Variants in KCTD19 observed in about 807,000 individuals in gnomAD.
KCTD19 encodes BTB/POZ domain-containing protein KCTD19.
KCTD19 carries 67 observed loss-of-function variants against 103.5 expected under a neutral mutation model. The observed-to-expected ratio is 0.65, with a 90% confidence interval of 0.53 to 0.79. The LOEUF (loss-of-function observed/expected upper bound fraction) is 0.79, where lower values mean the gene tolerates loss of function less well. Ranked by LOEUF, KCTD19 falls within the 30% of genes least tolerant of loss-of-function variation. The probability of loss-of-function intolerance (pLI) is 0.00; values close to 1 mark genes in which losing one functional copy is unlikely to be tolerated. For missense variants in KCTD19, 980 were observed against 1,136.1 expected, an observed-to-expected ratio of 0.86 and a Z score of 1.98; for synonymous variants, 439 against 452.2, an observed-to-expected ratio of 0.97 and a Z score of 0.37.
chr16:67,294,977 A>G lies in KCTD19; in HGVS notation c.1471T>C (p.Tyr491His), dbSNP rs779675369. The G allele has an allele frequency of 1.9e-6, 3 of 1,611,584 alleles. No individual in the cohort carries two copies. The Admixed American group carries it at 5.0e-5, about 27-fold the overall frequency. ...LSEALAQCEA[Y>H]KSWTQEKESE... ...GTCGTGATAAAGTTTTCTTACTTGT[A>G]TGCTTCACATTGTGCAAGGGCTTCT... The change falls in exon 10 of 16, where the codon TAC becomes CAC. Residue 491 changes from tyrosine to histidine, a missense_variant. Transcript: ENST00000304372.
At chr16:67,319,062 C>A (rs11862222) in intron 2 of KCTD19, among the ~76,000 whole-genome samples, 33,791 of 151,638 alleles carry the variant, frequency 0.22, 7,633 homozygotes, top group African/African-American at 0.58. Context: ...GTCTCTACTA[C>A]AAATACAAAA....
At chr16:67,310,043 C>T (rs2036934004) in intron 2 of KCTD19, among the ~76,000 whole-genome samples, 1 of 152,218 alleles carries the variant, frequency 6.6e-6, no homozygotes, top group Admixed American at 6.5e-5. Flanking sequence ...CGGCCTTGAC[C>T]TAGGCTCAGG....
chr16:67,319,603 C>A (rs907250693), intron 2 of KCTD19, among the ~76,000 whole-genome samples: 12 of 151,902 alleles, frequency 7.9e-5, no homozygotes, highest in African/African-American at 2.9e-4. Flanking sequence ...AAAATGATTT[C>A]TGTGGCTTGG....
intron 2 of KCTD19, among the ~76,000 whole-genome samples, chr16:67,310,060 A>G (rs2036934182): frequency 6.6e-6 from 1 of 152,238 alleles, no homozygotes; most frequent in Non-Finnish European, 1.5e-5. Context: ...CAGGAGCCTC[A>G]ACAAGGCTGT....
At chr16:67,315,995 G>A (rs1208944915) in intron 2 of KCTD19, among the ~76,000 whole-genome samples, 5 of 152,106 alleles carry the variant, frequency 3.3e-5, no homozygotes, top group Non-Finnish European at 7.3e-5. Context: ...TCAGATTTCT[G>A]CTCAAATGTT....
intron 1 of KCTD19, chr16:67,322,039 A>G (rs980209872): frequency 1.3e-5 from 2 of 152,224 alleles, no homozygotes; most frequent in Admixed American, 6.5e-5. Context: ...TGCTACCAGC[A>G]TAAGGATAAA....
intron 1 of KCTD19, among the ~76,000 whole-genome samples, chr16:67,322,456 G>A (rs2037085687): frequency 6.6e-6 from 1 of 151,954 alleles, no homozygotes; most frequent in Admixed American, 6.6e-5. Flanking sequence ...CCGCCACCAC[G>A]CCCGGCTAAT....
At chr16:67,295,990 A>T in intron 8 of KCTD19, 169 bp downstream of exon 8, 1 of 590,724 alleles carries the variant, frequency 1.7e-6, no homozygotes, top group Non-Finnish European at 3.1e-6. Flanking sequence ...TGATCTGCCC[A>T]CCTCAGCCTC....
rs981502782 is a variant in KCTD19 at position 67,320,237 on chromosome 16, T to C, written c.300+352A>G. ...ACCAATCTGGTCAACATGGAAAGGA[T>C]TGGCCGGGCATGGTGGCATGCACCT... On this transcript the variant is annotated intron_variant, in intron 2 of 15. Transcript: ENST00000304372. This position sits in a 1 kb window ranked among gnomAD's most constrained non-coding sequence, Gnocchi z 4.0. 6.6e-6 allele frequency among the ~76,000 whole-genome samples: 1 copy of C among 151,998 alleles called. No homozygotes were observed. Among genetic ancestry groups the C allele is most frequent in the Non-Finnish European group, 1.5e-5 (1 of 67,982 alleles).
In KCTD19 at chr16:67,289,544, A is replaced by G; in HGVS notation, c.*25T>C. 1.4e-6 allele frequency: 2 copies of G among 1,436,984 alleles called. No homozygotes were observed. The highest frequency in any genetic ancestry group is 2.0e-6 in the Non-Finnish European group (2 of 1,018,780). 89.0% of individuals were successfully genotyped at this position (1,436,984 alleles called of 1,614,324 possible). A position where few individuals can be genotyped will look rare whatever the true frequency, so the allele number is the denominator to read the frequency against. On this transcript the variant is annotated 3_prime_UTR_variant, in exon 16 of 16. Coordinates refer to ENST00000304372, the MANE Select transcript of KCTD19 (RefSeq NM_001100915.3). ...TAAAATGAGACTTGGCGGGTGGGGC[A>G]TGAGGGGCTGCATCTCTGGGCACCC... is the stretch of plus-strand genomic sequence containing the variant.
intron 7 of KCTD19, among the ~76,000 whole-genome samples, 194 bp from the exon 8 acceptor site, chr16:67,296,453 C>T (rs754804026): frequency 4.6e-5 from 7 of 152,074 alleles, no homozygotes; most frequent in South Asian, 2.1e-4. Flanking sequence ...GGTGGTGAGG[C>T]GGGAAAGGGC....
chr16:67,299,770 C>G (rs1193265236), intron 5 of KCTD19, 197 bp from the exon 6 acceptor site: 2 of 567,108 alleles, frequency 3.5e-6, no homozygotes, highest in Non-Finnish European at 3.1e-6. Context: ...GAAGTCATAA[C>G]TATTTGTTGG....
chr16:67,313,390 G>A (rs1437814263), intron 2 of KCTD19, among the ~76,000 whole-genome samples: 1 of 152,070 alleles, frequency 6.6e-6, no homozygotes, highest in Non-Finnish European at 1.5e-5. Context: ...GATTACAGGC[G>A]TGAGCCACCA....
chr16:67,289,790 T>C (rs199555907), intron 15 of KCTD19, 108 bp from the exon 16 acceptor site: 3 of 723,952 alleles, frequency 4.1e-6, no homozygotes, highest in African/African-American at 3.5e-5. Context: ...AGCCCGGCTG[T>C]TGGGGACTTT....
intron 1 of KCTD19, among the ~76,000 whole-genome samples, chr16:67,322,792 A>G (rs968756828): frequency 6.6e-6 from 1 of 152,236 alleles, no homozygotes; most frequent in Non-Finnish European, 1.5e-5. Flanking sequence ...AATGGAACAA[A>G]ATATTTGCAA....
chr16:67,289,652 G>A lies in KCTD19; in HGVS notation c.2698C>T (p.Arg900Ter), dbSNP rs201253917. The A allele has an allele frequency of 6.2e-6, 10 of 1,613,878 alleles. No individual in the cohort carries two copies. The highest frequency in any genetic ancestry group is 1.7e-4 in the Middle Eastern group (1 of 6,058). The change falls in exon 16 of 16, where the codon CGA becomes TGA. Residue 900 changes from arginine to a stop codon, truncating the protein, a stop_gained. Transcript: ENST00000304372. LOFTEE classifies it high-confidence loss of function. The stretch of plus-strand genomic sequence containing the variant: ...CTCTGGATGAGCAGGTCCATGCATC[G>A]GCCATATTTCCTGGCGAAGGGCAGT... ...LTLPFARKYG[R>*]CMDLLIQRGL...
chr16:67,291,688 T>G lies in KCTD19; in HGVS notation c.2368A>C (p.Asn790His). 6.2e-7 allele frequency: 1 copy of G among 1,614,052 alleles called. No individual in the cohort carries two copies. The highest frequency in any genetic ancestry group is 8.5e-7 in the Non-Finnish European group (1 of 1,179,984). The change falls in exon 13 of 16, where the codon AAC becomes CAC. Residue 790 changes from asparagine to histidine, a missense_variant. Asn to His is a moderately conservative substitution (Grantham distance 68). Coordinates refer to ENST00000304372, the MANE Select transcript of KCTD19 (RefSeq NM_001100915.3). ...DSIIYTTEMD[N>H]LRHTTPTASP... ...GCTGTGGGTGTTGTGTGCCTGAGGTTGTCCATCTCCGTGGTATAGATGATG... is the reference window on the plus strand; with the variant it reads ...GCTGTGGGTGTTGTGTGCCTGAGGTGGTCCATCTCCGTGGTATAGATGATG...
chr16:67,293,413 G>T lies in KCTD19; in HGVS notation c.2218+131C>A. ...CCAGTCATTTCTGTGTCTGCTGCCT[G>T]GCACAGAGATGGCATTGGTGAGCGG... On this transcript the variant is annotated intron_variant, in intron 12 of 15. Coordinates refer to ENST00000304372, the MANE Select transcript of KCTD19 (RefSeq NM_001100915.3). The surrounding 1 kb of genome is among the most constrained non-coding windows in gnomAD (Gnocchi z 4.0). 2 of 996,342 alleles carry T rather than the reference G, an allele frequency of 2.0e-6. No individual in the cohort carries two copies. Among genetic ancestry groups the T allele is most frequent in the African/African-American group, 1.6e-5 (1 of 61,850 alleles). 61.7% of individuals were successfully genotyped at this position (996,342 alleles called of 1,614,324 possible). A position where few individuals can be genotyped will look rare whatever the true frequency, so the allele number is the denominator to read the frequency against.
intron 2 of KCTD19, among the ~76,000 whole-genome samples, chr16:67,306,334 C>G (rs762575658): frequency 6.6e-6 from 1 of 152,138 alleles, no homozygotes; most frequent in African/African-American, 2.4e-5. Context: ...GGTGCAATCT[C>G]GGCTCACTGC....
Sources: gnomAD v4.1 joint callset for allele counts (sites outside exome capture counted in the v4.1 genomes callset) on GRCh38, gnomAD v4.1.1 for gene constraint, Gnocchi (gnomAD v3.1) non-coding constraint, MANE v1.5 for transcripts, NCBI Gene and HGNC (gene_info 2026-07-23, HGNC 2026-07-21) for gene names.